BBS9: variants seen among roughly 807,000 people sequenced by gnomAD.
BBS9 encodes Bardet-Biedl syndrome 9, also known as protein PTHB1.
BBS9 carries 89 observed loss-of-function variants against 117.7 expected under a neutral mutation model. The ratio of observed to expected loss-of-function variants is 0.76; its 90% CI spans 0.64 to 0.90. The LOEUF (loss-of-function observed/expected upper bound fraction) is 0.90. Among genes scored for constraint, BBS9 ranks in the 40% least tolerant of loss-of-function variants. BBS9 has a pLI of 0.00. For synonymous variants in BBS9, 379 were observed against 370.9 expected, an observed-to-expected ratio of 1.02 and a Z score of -0.25; for missense variants, 982 against 1,042.2, an observed-to-expected ratio of 0.94 and a Z score of 0.80.
chr7:33,328,997 A>T (rs964486055), intron 9 of BBS9, among the ~76,000 whole-genome samples: 3 of 99,126 alleles, frequency 3.0e-5, no homozygotes, highest in African/African-American at 1.2e-4. Flanking sequence ...TCCTTCTTTT[A>T]TTTATTTATT....
intron 5 of BBS9, among the ~76,000 whole-genome samples, chr7:33,208,036 T>G (rs1410381640): frequency 2.6e-5 from 4 of 152,164 alleles, no homozygotes; most frequent in Admixed American, 6.5e-5. Flanking sequence ...CTTGAACTCC[T>G]GACCTCAGGT....
intron 19 of BBS9, among the ~76,000 whole-genome samples, chr7:33,407,750 A>AT (rs1229597660): frequency 6.6e-6 from 1 of 152,110 alleles, no homozygotes; most frequent in Non-Finnish European, 1.5e-5. Context: ...AGAACCACGG[A>AT]TTTTTGTGAT....
chr7:33,627,564 C>T (rs1027643744), intron 21 of BBS9, among the ~76,000 whole-genome samples: 1 of 152,216 alleles, frequency 6.6e-6, no homozygotes, highest in Non-Finnish European at 1.5e-5. Flanking sequence ...CACAGACACT[C>T]AATTCCAGCC....
intron 19 of BBS9, among the ~76,000 whole-genome samples, chr7:33,487,377 T>C (rs1048237192): frequency 6.6e-6 from 1 of 152,232 alleles, no homozygotes; most frequent in Admixed American, 6.5e-5. Flanking sequence ...TTCCTTATGC[T>C]TCTAGTGTAA....
At chr7:33,521,262 G>T (rs1442881388) in intron 20 of BBS9, among the ~76,000 whole-genome samples, 1 of 152,202 alleles carries the variant, frequency 6.6e-6, no homozygotes, top group East Asian at 1.9e-4. Flanking sequence ...TTACAAAAGG[G>T]ATCAGAGTGG....
At chr7:33,600,910 G>A (rs1863698198) in intron 21 of BBS9, among the ~76,000 whole-genome samples, 1 of 152,152 alleles carries the variant, frequency 6.6e-6, no homozygotes. Context: ...AGGGAGCCCT[G>A]GCTATGGAAA....
chr7:33,155,722 A>ACGCCTGTAATCCCAGCACTT lies in BBS9; in HGVS notation c.328+20_328+21insCGCCTGTAATCCCAGCACTT. Reference sequence around the variant, plus strand: ...TCTCAGGTAAGAAATATTTTTACCAATGTAGAATTTATATTACAAATTGGG... The same window carrying ACGCCTGTAATCCCAGCACTT: ...TCTCAGGTAAGAAATATTTTTACCAACGCCTGTAATCCCAGCACTTTGTAGAATTTATATTACAAATTGGG... On this transcript the variant is annotated intron_variant, in intron 4 of 22. Coordinates refer to ENST00000242067, the MANE Select transcript of BBS9 (RefSeq NM_198428.3). The ACGCCTGTAATCCCAGCACTT allele has an allele frequency of 9.2e-7, 1 of 1,087,848 alleles. No individual in the cohort carries two copies. Among genetic ancestry groups the ACGCCTGTAATCCCAGCACTT allele is most frequent in the Non-Finnish European group, 1.3e-6 (1 of 747,404 alleles). The allele number at this position is 1,087,848 out of a possible 1,614,324, so 67.4% of individuals were successfully genotyped here. A position where few individuals can be genotyped will look rare whatever the true frequency, so the allele number is the denominator to read the frequency against.
chr7:33,539,953 G>T (rs1050065955), intron 21 of BBS9, among the ~76,000 whole-genome samples: 1 of 152,230 alleles, frequency 6.6e-6, no homozygotes, highest in Non-Finnish European at 1.5e-5. Flanking sequence ...AGTGTTAAAT[G>T]CAGGAGGATA....
chr7:33,630,416 TC>T (rs1035988711), intron 21 of BBS9, among the ~76,000 whole-genome samples: 1 of 152,214 alleles, frequency 6.6e-6, no homozygotes, highest in Admixed American at 6.5e-5. Flanking sequence ...AAAATTAAAC[TC>T]CTATAATTAT....
intron 21 of BBS9, among the ~76,000 whole-genome samples, chr7:33,594,162 G>A (rs934383849): frequency 6.6e-6 from 1 of 152,032 alleles, no homozygotes; most frequent in Non-Finnish European, 1.5e-5. Context: ...GACACATGCT[G>A]GACCTCTTAA....
intron 17 of BBS9, among the ~76,000 whole-genome samples, chr7:33,371,627 C>A (rs1440255171): frequency 1.3e-5 from 2 of 151,896 alleles, no homozygotes; most frequent in Non-Finnish European, 2.9e-5. Flanking sequence ...AGGAATAGGC[C>A]TTTGTAACTT....
chr7:33,311,095 A>G (rs534116477), intron 9 of BBS9, among the ~76,000 whole-genome samples: 19 of 152,304 alleles, frequency 1.2e-4, no homozygotes, highest in African/African-American at 4.6e-4. Context: ...TTGAAATCCA[A>G]TGGCTAAGCA....
intron 21 of BBS9, among the ~76,000 whole-genome samples, chr7:33,584,323 A>G (rs1229040428): frequency 6.6e-6 from 1 of 152,060 alleles, no homozygotes; most frequent in East Asian, 1.9e-4. Flanking sequence ...CTTCCTTTCT[A>G]AAATATCTTA....
chr7:33,228,240 G>A (rs964605140), intron 5 of BBS9, among the ~76,000 whole-genome samples: 6 of 151,946 alleles, frequency 3.9e-5, no homozygotes, highest in African/African-American at 9.7e-5. Flanking sequence ...GTGATGTTGA[G>A]CATTTTTTCA....
intron 16 of BBS9, 125 bp from the exon 17 acceptor site, chr7:33,367,642 C>T: frequency 2.6e-6 from 2 of 769,586 alleles, no homozygotes; most frequent in Admixed American, 1.9e-5. Flanking sequence ...TATTATAGCT[C>T]ACACATGGAG....
chr7:33,569,797 A>G (rs1857495891), intron 21 of BBS9, among the ~76,000 whole-genome samples: 2 of 152,162 alleles, frequency 1.3e-5, no homozygotes, highest in South Asian at 4.1e-4. Flanking sequence ...ATGCAAAAAT[A>G]AAATAGACGA....
chr7:33,296,521 T>C (rs1175806114), intron 9 of BBS9, among the ~76,000 whole-genome samples: 2 of 152,166 alleles, frequency 1.3e-5, no homozygotes, highest in African/African-American at 4.8e-5. Flanking sequence ...TTGAGATTGT[T>C]GTAACCTAAA....
intron 4 of BBS9, among the ~76,000 whole-genome samples, chr7:33,163,406 TACC>T (rs1446999732): frequency 6.6e-6 from 1 of 152,206 alleles, no homozygotes; most frequent in Non-Finnish European, 1.5e-5. Context: ...GAAGGTATGG[TACC>T]ACCTCCTCTT....
intron 5 of BBS9, among the ~76,000 whole-genome samples, chr7:33,249,859 G>A (rs779035702): frequency 2.6e-5 from 4 of 152,100 alleles, no homozygotes; most frequent in East Asian, 1.9e-4. Flanking sequence ...AATTGCCTCT[G>A]CATCTTTTTC....
Sources: gnomAD v4.1 joint callset for allele counts (sites outside exome capture counted in the v4.1 genomes callset) on GRCh38, gnomAD v4.1.1 for gene constraint, MANE v1.5 for transcripts, NCBI Gene and HGNC (gene_info 2026-07-23, HGNC 2026-07-21) for gene names.